The following MEIG1 variants were observed in gnomAD, a reference collection of about 807,000 sequenced individuals.
The protein encoded by MEIG1 is meiosis/spermiogenesis associated 1.
In MEIG1, 12 loss-of-function variants were observed where a neutral mutation model predicts 11.3. The ratio of observed to expected loss-of-function variants is 1.07; its 90% confidence interval spans 0.68 to 1.73. The LOEUF is 1.73. Ranked by LOEUF, MEIG1 falls within the 40% of genes most tolerant of loss-of-function variation. The probability of loss-of-function intolerance (pLI) is 0.00; values close to 1 mark genes in which losing one functional copy is unlikely to be tolerated. For synonymous variants in MEIG1, 41 were observed against 33.2 expected, an observed-to-expected ratio of 1.24 and a Z score of -0.81; for missense variants, 119 against 104.9, an observed-to-expected ratio of 1.13 and a Z score of -0.59.
intron 2 of MEIG1, among the ~76,000 whole-genome samples, chr10:14,972,188 T>G (rs1349566958): frequency 6.6e-6 from 1 of 152,092 alleles, no homozygotes; most frequent in Admixed American, 6.6e-5. Flanking sequence ...CTAATTTTTG[T>G]ATTTTTAGTA....
At chr10:14,966,227 C>G (rs1454706384) in intron 1 of MEIG1, among the ~76,000 whole-genome samples, 1 of 151,770 alleles carries the variant, frequency 6.6e-6, no homozygotes, top group Non-Finnish European at 1.5e-5. Flanking sequence ...CCATGCCTAG[C>G]TAATTTTTGT....
chr10:14,956,057 A>G (rs988320422), upstream of MEIG1, among the ~76,000 whole-genome samples: 3 of 152,180 alleles, frequency 2.0e-5, no homozygotes, highest in Admixed American at 2.0e-4. Flanking sequence ...TTGCTCACTT[A>G]TTTATCTCCT....
intron 1 of MEIG1, among the ~76,000 whole-genome samples, chr10:14,962,527 T>C (rs2131261527): frequency 6.6e-6 from 1 of 152,328 alleles, no homozygotes; most frequent in Middle Eastern, 3.4e-3. Flanking sequence ...TTCTATTAAA[T>C]GTAGCATTTT....
At chr10:14,987,079 A>T (rs919863373) in intron 2 of MEIG1, 38 of 643,858 alleles carry the variant, frequency 5.9e-5, no homozygotes, top group Non-Finnish European at 8.2e-5. Context: ...GTCATAGGCC[A>T]TCACAGTCAG....
downstream of MEIG1, among the ~76,000 whole-genome samples, chr10:14,976,036 A>C (rs1452753495): frequency 6.6e-6 from 1 of 152,116 alleles, no homozygotes; most frequent in Non-Finnish European, 1.5e-5. Flanking sequence ...CGTGGATCCT[A>C]ATATCCAGGG....
chr10:14,980,793 G>A (rs1382042477), intron 1 of MEIG1, among the ~76,000 whole-genome samples: 2 of 152,124 alleles, frequency 1.3e-5, no homozygotes, highest in African/African-American at 2.4e-5. Flanking sequence ...ACCTGACTCC[G>A]GACCTTCCCA....
At chr10:14,973,781 A>G (rs186892200), downstream of MEIG1, among the ~76,000 whole-genome samples, 865 of 151,544 alleles carry the variant, frequency 5.7e-3, 11 homozygotes, top group African/African-American at 0.019. Flanking sequence ...AAAAAAAAAA[A>G]AAAAAGAAAA....
At chr10:14,977,945 G>C (rs1006776333) in intron 1 of MEIG1, among the ~76,000 whole-genome samples, 2 of 151,866 alleles carry the variant, frequency 1.3e-5, no homozygotes, top group Non-Finnish European at 2.9e-5. Flanking sequence ...TGTGCCCCCA[G>C]TGACATTATT....
chr10:14,966,479 C>T lies in MEIG1; in HGVS notation c.11C>T (p.Ser4Phe). MAS[S>F]DVKPKSVSHA... ...AAGGCCTCTGTAACCATGGCTAGTT[C>T]TGACGTAAAACCAAAATCAGTAAGT... Residue 4 changes from serine to phenylalanine, a missense_variant, in exon 2 of 3, where the codon TCT becomes TTT. Physicochemically the swap from Ser to Phe is radical, Grantham distance 155. Coordinates refer to ENST00000407572, the MANE Select transcript of MEIG1 (RefSeq NM_001080836.3). The T allele has an allele frequency of 6.2e-7, 1 of 1,607,482 alleles. No individual in the cohort carries two copies. Among genetic ancestry groups the T allele is most frequent in the Non-Finnish European group, 8.5e-7 (1 of 1,177,554 alleles).
chr10:14,972,561 G>A lies in MEIG1; in HGVS notation c.187G>A (p.Asp63Asn), dbSNP rs578235673. 1.7e-5 allele frequency: 27 copies of A among 1,614,046 alleles called. No homozygotes were observed. The East Asian group carries it at 5.6e-4, about 33-fold the overall frequency. The change falls in exon 3 of 3, where the codon GAC (aspartate) becomes AAC (asparagine). Residue 63 changes from aspartate to asparagine, a missense_variant. By Grantham distance (23) the Asp-to-Asn change is conservative (BLOSUM62 1). Transcript: ENST00000407572. ...ATATGTGAAGAAACTTCAGAGAAGGGACAATACGTTCTATTACTACAACAA... is the reference window on the plus strand; with the variant it reads ...ATATGTGAAGAAACTTCAGAGAAGGAACAATACGTTCTATTACTACAACAA... ...TGYVKKLQRR[D>N]NTFYYYNKQR...
chr10:14,962,720 A>G (rs1843028441), intron 1 of MEIG1, among the ~76,000 whole-genome samples: 1 of 152,202 alleles, frequency 6.6e-6, no homozygotes, highest in African/African-American at 2.4e-5. Flanking sequence ...TCCTGTAAGT[A>G]ATACAGTCAC....
chr10:14,955,953 A>G (rs1842939400), upstream of MEIG1, among the ~76,000 whole-genome samples: 2 of 152,186 alleles, frequency 1.3e-5, no homozygotes, highest in Non-Finnish European at 2.9e-5. Flanking sequence ...ATGGAGACCT[A>G]ACAACAAATT....
intron 1 of MEIG1, among the ~76,000 whole-genome samples, chr10:14,984,718 T>C (rs1050226509): frequency 6.6e-6 from 1 of 152,134 alleles, no homozygotes; most frequent in Non-Finnish European, 1.5e-5. Context: ...TATCGTCCTA[T>C]TCTAGGGAAA....
Position 14,971,236 on chromosome 10 carries a change from T to TAATAATAAC in MEIG1, c.139-1275_139-1274insTAATAACAA, listed in dbSNP as rs1554806491. ...ATAATGATAATAATAATAATAATAATAACAACAATAAAGAATGGTAGAAGA... is the reference window on the plus strand; with the variant it reads ...ATAATGATAATAATAATAATAATAATAATAATAACAACAACAATAAAGAATGGTAGAAGA... On this transcript the variant is annotated intron_variant, in intron 2 of 2. Coordinates refer to ENST00000407572, the MANE Select transcript of MEIG1 (RefSeq NM_001080836.3). 4.6e-4 allele frequency among the ~76,000 whole-genome samples: 68 copies of TAATAATAAC among 148,252 alleles called. 1 individual carries two copies. The highest frequency in any genetic ancestry group is 1.6e-3 in the African/African-American group (64 of 40,432).
At chr10:14,977,421 G>T (rs562762226), downstream of MEIG1, among the ~76,000 whole-genome samples, 11 of 152,030 alleles carry the variant, frequency 7.2e-5, no homozygotes, top group East Asian at 1.2e-3. Context: ...GTAATATTCA[G>T]GGGGGATGTT....
At position 14,972,572 on chromosome 10, in the gene MEIG1, C is replaced by G. The variant is rs1843164932; in HGVS notation, c.198C>G (p.Phe66Leu). 1 of 1,613,918 alleles carries G rather than the reference C, an allele frequency of 6.2e-7. No homozygotes were observed. Among genetic ancestry groups the G allele is most frequent in the East Asian group, 2.2e-5 (1 of 44,866 alleles). Reference sequence around the variant, plus strand: ...AACTTCAGAGAAGGGACAATACGTTCTATTACTACAACAAACAGAGGGAAT... The same window carrying G: ...AACTTCAGAGAAGGGACAATACGTTGTATTACTACAACAAACAGAGGGAAT... ...VKKLQRRDNT[F>L]YYYNKQRECD... Residue 66 changes from phenylalanine to leucine, a missense_variant, in exon 3 of 3, where the codon TTC (phenylalanine) becomes TTG (leucine). Phe to Leu is a conservative substitution (Grantham distance 22). Transcript: ENST00000407572.
chr10:14,963,682 G>A (rs545714533), intron 1 of MEIG1, among the ~76,000 whole-genome samples: 1 of 152,252 alleles, frequency 6.6e-6, no homozygotes, highest in African/African-American at 2.4e-5. Flanking sequence ...CTGTAAAACT[G>A]GACCGGGTGC....
At chr10:14,964,064 C>T (rs1312247370) in intron 1 of MEIG1, among the ~76,000 whole-genome samples, 1 of 148,456 alleles carries the variant, frequency 6.7e-6, no homozygotes, top group Non-Finnish European at 1.5e-5. Flanking sequence ...CGCCTCTGCA[C>T]TCCAGCCTGG....
chr10:14,970,419 G>A (rs1404640435), intron 2 of MEIG1: 1 of 152,260 alleles, frequency 6.6e-6, no homozygotes, highest in Non-Finnish European at 1.5e-5. Context: ...AGCTCCAGAT[G>A]TTCGGAAGAG....
Sources: gnomAD v4.1 joint callset for allele counts (sites outside exome capture counted in the v4.1 genomes callset) on GRCh38, gnomAD v4.1.1 for gene constraint, MANE v1.5 for transcripts, NCBI Gene and HGNC (gene_info 2026-07-23, HGNC 2026-07-21) for gene names.